DYNC2I2: variants seen among roughly 807,000 people sequenced by gnomAD.
DYNC2I2 encodes cytoplasmic dynein 2 intermediate chain 2.
Under a neutral mutation model 52.0 loss-of-function variants are expected in DYNC2I2, and 39 were observed. That is an observed-to-expected ratio of 0.75 (90% CI 0.58 to 0.98). The LOEUF (loss-of-function observed/expected upper bound fraction) is 0.98. Among genes scored for constraint, DYNC2I2 ranks in the 50% least tolerant of loss-of-function variants. The pLI, the probability that DYNC2I2 is intolerant of heterozygous loss-of-function variation, is 0.00. For missense variants in DYNC2I2, 743 were observed against 728.4 expected (o/e 1.02, Z -0.23); for synonymous variants, 359 against 321.1 (o/e 1.12, Z -1.26).
chr9:128,660,080 A>C (rs979246932), upstream of DYNC2I2, among the ~76,000 whole-genome samples: 19 of 149,818 alleles, frequency 1.3e-4, 1 homozygote, highest in African/African-American at 4.7e-4. Flanking sequence ...AAAAAAAAAA[A>C]CCCTCAAAAC....
upstream of DYNC2I2, among the ~76,000 whole-genome samples, chr9:128,660,710 A>C (rs760599169): frequency 1.3e-5 from 2 of 151,538 alleles, no homozygotes; most frequent in Non-Finnish European, 2.9e-5. Flanking sequence ...AAGCTGTCTA[A>C]TTTTATTTTT....
chr9:128,660,261 A>G (rs1057243289), upstream of DYNC2I2, among the ~76,000 whole-genome samples: 1 of 151,176 alleles, frequency 6.6e-6, no homozygotes, highest in African/African-American at 2.4e-5. Context: ...GGCGCCCGCC[A>G]CCACCCCCAG....
chr9:128,663,990 T>C, the DYNC2I2 span, among the ~76,000 whole-genome samples: 1 of 142,938 alleles, frequency 7.0e-6, no homozygotes, highest in African/African-American at 2.7e-5. Context: ...GGAGTTTTGC[T>C]CTTCTTGCCC....
intron 1 of DYNC2I2, among the ~76,000 whole-genome samples, chr9:128,644,278 T>TTA (rs1860572244): frequency 6.7e-6 from 1 of 150,064 alleles, no homozygotes; most frequent in East Asian, 2.0e-4. Flanking sequence ...AGGCGGCCTT[T>TTA]TTTTTTTTTT....
intron 1 of DYNC2I2, among the ~76,000 whole-genome samples, chr9:128,654,095 T>C (rs533821401): frequency 2.6e-5 from 4 of 152,332 alleles, no homozygotes; most frequent in African/African-American, 4.8e-5. Context: ...GAATCATCAA[T>C]TGACCTGCGA....
the DYNC2I2 span, among the ~76,000 whole-genome samples, chr9:128,679,139 G>A: frequency 5.9e-5 from 9 of 152,250 alleles, no homozygotes; most frequent in African/African-American, 1.9e-4. Context: ...TATACACTGA[G>A]ACTTAGGCTT....
At chr9:128,640,977 G>T (rs1323951048) in intron 1 of DYNC2I2, 38 bp from the exon 2 acceptor site, 2 of 1,546,274 alleles carry the variant, frequency 1.3e-6, no homozygotes, top group Non-Finnish European at 8.7e-7. Flanking sequence ...CCACCCAGCT[G>T]TCCTCGCACA....
At chr9:128,676,207 C>T in the DYNC2I2 span, among the ~76,000 whole-genome samples, 4 of 151,978 alleles carry the variant, frequency 2.6e-5, no homozygotes, top group Admixed American at 6.6e-5. Flanking sequence ...AACACACAAA[C>T]AGGCCAGGCA....
chr9:128,676,574 C>G, the DYNC2I2 span, among the ~76,000 whole-genome samples: 1 of 150,480 alleles, frequency 6.6e-6, no homozygotes, highest in African/African-American at 2.4e-5. Context: ...CTCTGTCGCC[C>G]AGGCTGGAGT....
chr9:128,679,796 A>G, the DYNC2I2 span, among the ~76,000 whole-genome samples: 1 of 150,748 alleles, frequency 6.6e-6, no homozygotes, highest in Non-Finnish European at 1.5e-5. Flanking sequence ...GCAGTGAGCC[A>G]TGATTGCGCC....
chr9:128,641,972 T>TATAC (rs1860521494), intron 1 of DYNC2I2, among the ~76,000 whole-genome samples: 1 of 140,924 alleles, frequency 7.1e-6, no homozygotes, highest in African/African-American at 2.8e-5. Context: ...TTCATTTATA[T>TATAC]ACATACACAC....
At chr9:128,681,368 G>A in the DYNC2I2 span, among the ~76,000 whole-genome samples, 77 of 152,370 alleles carry the variant, frequency 5.1e-4, no homozygotes, top group African/African-American at 1.8e-3. Context: ...TGGGATTACA[G>A]GTGTGAGCCA....
chr9:128,634,010 A>AAG (rs1190796072), intron 8 of DYNC2I2, 28 bp from the exon 9 acceptor site: 1 of 1,611,374 alleles, frequency 6.2e-7, no homozygotes, highest in Non-Finnish European at 8.5e-7. Flanking sequence ...TACGTGGAGT[A>AAG]AGAGAAACTC....
upstream of DYNC2I2, among the ~76,000 whole-genome samples, chr9:128,659,018 C>T (rs1199170225): frequency 1.3e-5 from 2 of 151,766 alleles, no homozygotes; most frequent in South Asian, 2.1e-4. Flanking sequence ...GGCTAAGCCA[C>T]TCCCCAGGCC....
At chr9:128,635,284 G>A (rs755800469) in intron 5 of DYNC2I2, 25 bp from the exon 6 acceptor site, 2 of 1,609,534 alleles carry the variant, frequency 1.2e-6, no homozygotes, top group Non-Finnish European at 1.7e-6. Context: ...TGCAGGGCCA[G>A]GATGGAGACA....
intron 1 of DYNC2I2, among the ~76,000 whole-genome samples, chr9:128,646,539 T>G (rs964899346): frequency 2.6e-5 from 4 of 151,742 alleles, no homozygotes; most frequent in African/African-American, 9.7e-5. Flanking sequence ...TAGAAGGACA[T>G]GCCATCTAGG....
intron 1 of DYNC2I2, among the ~76,000 whole-genome samples, chr9:128,645,795 A>C (rs1860607437): frequency 6.6e-6 from 1 of 152,340 alleles, no homozygotes; most frequent in Middle Eastern, 3.4e-3. Flanking sequence ...CTCTTGCAAC[A>C]AACAGCCAAG....
chr9:128,634,637 C>A lies in DYNC2I2; in HGVS notation c.1214+52G>T. The A allele has an allele frequency of 3.4e-6, 5 of 1,469,854 alleles. No individual in the cohort carries two copies. In the South Asian group the frequency reaches 5.5e-5, roughly 16 times the overall value. 91.1% of individuals were successfully genotyped at this position (1,469,854 alleles called of 1,614,324 possible). The stretch of plus-strand genomic sequence containing the variant: ...CATGAGGCTTGGCAGGCTAGAGACC[C>A]GCAGGGCAGGGACACCCTGGCCCCA... On this transcript the variant is annotated intron_variant, in intron 7 of 8. Coordinates refer to ENST00000372715, the MANE Select transcript of DYNC2I2 (RefSeq NM_052844.4).
chr9:128,667,718 C>G, the DYNC2I2 span, among the ~76,000 whole-genome samples: 8 of 149,962 alleles, frequency 5.3e-5, no homozygotes, highest in African/African-American at 1.7e-4. Flanking sequence ...TACAGGCATT[C>G]GCCACCACGC....
Sources: allele counts gnomAD v4.1 joint callset (sites outside exome capture counted in the v4.1 genomes callset), GRCh38; gene constraint gnomAD v4.1.1; transcripts MANE v1.5; gene names NCBI Gene and HGNC (gene_info 2026-07-23, HGNC 2026-07-21).